FNDC3B: variants seen among roughly 807,000 people sequenced by gnomAD.
FNDC3B encodes the protein fibronectin type III domain-containing protein 3B.
FNDC3B carries 12 observed loss-of-function variants against 151.5 expected under a neutral mutation model. The ratio of observed to expected loss-of-function variants is 0.08; its 90% CI spans 0.05 to 0.13. The LOEUF is 0.13. Among genes scored for constraint, FNDC3B ranks in the 10% least tolerant of loss-of-function variants. The pLI, the probability that FNDC3B is intolerant of heterozygous loss-of-function variation, is 1.00. For missense variants in FNDC3B, 1,214 were observed against 1,505.3 expected (o/e 0.81, Z 3.20); for synonymous variants, 528 against 549.0 (o/e 0.96, Z 0.54).
chr3:172,342,918 T>C, intron 17 of FNDC3B, 93 bp from the exon 18 acceptor site: 1 of 748,034 alleles, frequency 1.3e-6, no homozygotes, highest in Non-Finnish European at 2.4e-6. Context: ...TTCGGTAACA[T>C]TTGCAGTTAT....
chr3:172,126,984 G>A (rs1720836843), intron 2 of FNDC3B: 1 of 456,490 alleles, frequency 2.2e-6, no homozygotes, highest in African/African-American at 2.0e-5. Flanking sequence ...AGCAGACACT[G>A]GAATGTGAAT....
chr3:172,213,746 G>C lies in FNDC3B; in HGVS notation c.188-13125G>C, dbSNP rs554135864. Among the ~76,000 whole-genome samples the C allele has an allele frequency of 7.0e-4, 106 of 152,174 alleles. 1 individual carries two copies. The highest frequency in any genetic ancestry group is 2.4e-3 in the African/African-American group (99 of 41,528). On this transcript the variant is annotated intron_variant, in intron 3 of 25. Transcript: ENST00000415807. ...CTTTCCAGATTAGCAAACCCCAAAG[G>C]CTTAGTAGTTGTTTTGAGGAGCTAA... is the stretch of plus-strand genomic sequence containing the variant.
intron 1 of FNDC3B, among the ~76,000 whole-genome samples, chr3:172,066,209 A>G (rs1321063876): frequency 6.6e-6 from 1 of 152,214 alleles, no homozygotes; most frequent in Non-Finnish European, 1.5e-5. Context: ...AGGGGTAATG[A>G]TGACGTTTGG....
intron 23 of FNDC3B, among the ~76,000 whole-genome samples, chr3:172,370,009 A>T (rs1223162136): frequency 6.6e-6 from 1 of 151,886 alleles, no homozygotes; most frequent in African/African-American, 2.4e-5. Context: ...TGAGCTGTTG[A>T]TTTGTGATAT....
chr3:172,083,633 A>C (rs1300075294), intron 1 of FNDC3B, among the ~76,000 whole-genome samples: 2 of 152,130 alleles, frequency 1.3e-5, no homozygotes, highest in East Asian at 3.8e-4. Flanking sequence ...CAGAGAATAC[A>C]AGACATCAGG....
At chr3:172,318,514 G>A (rs957582898) in intron 11 of FNDC3B, among the ~76,000 whole-genome samples, 2 of 152,206 alleles carry the variant, frequency 1.3e-5, no homozygotes, top group African/African-American at 2.4e-5. Context: ...GAGTGAATTT[G>A]CACAAACCTT....
Position 172,111,004 on chromosome 3 carries a change from C to T in FNDC3B, c.-28-1448C>T, listed in dbSNP as rs188968807. On this transcript the variant is annotated intron_variant, in intron 1 of 25. Coordinates refer to ENST00000415807, the MANE Select transcript of FNDC3B (RefSeq NM_022763.4). ...ATCCCAGCTACTTAGGAGGTTGAGG[C>T]AGGAGAATCGCTTGAACCTGGGAGG... Among the ~76,000 whole-genome samples, 1,160 of 149,700 alleles carry T rather than the reference C, an allele frequency of 7.7e-3. 6 individuals carry two copies. The highest frequency in any genetic ancestry group is 0.01 in the Non-Finnish European group (678 of 67,760).
At chr3:172,069,924 G>A (rs1202145724) in intron 1 of FNDC3B, among the ~76,000 whole-genome samples, 2 of 152,132 alleles carry the variant, frequency 1.3e-5, no homozygotes, top group African/African-American at 4.8e-5. Context: ...GTGACCCTGT[G>A]GTGTGAACAC....
At chr3:172,262,635 G>C (rs1728706331) in intron 6 of FNDC3B, among the ~76,000 whole-genome samples, 1 of 151,496 alleles carries the variant, frequency 6.6e-6, no homozygotes, top group Non-Finnish European at 1.5e-5. Context: ...TTAAGCACAA[G>C]ATGCCAGGCA....
Position 172,397,731 on chromosome 3 carries a change from T to G in FNDC3B, c.*256T>G. The G allele has an allele frequency of 3.9e-6, 1 of 257,146 alleles. No individual in the cohort carries two copies. The highest frequency in any genetic ancestry group is 7.2e-6 in the Non-Finnish European group (1 of 138,000). 15.9% of individuals were successfully genotyped at this position (257,146 alleles called of 1,614,324 possible). A position where few individuals can be genotyped will look rare whatever the true frequency, so the allele number is the denominator to read the frequency against. ...TACCAGATACCAAAAGCTAGCTTTCTTATGTTTTCCTTTAAATTTTCAGAT... is the reference window on the plus strand; with the variant it reads ...TACCAGATACCAAAAGCTAGCTTTCGTATGTTTTCCTTTAAATTTTCAGAT... On this transcript the variant is annotated 3_prime_UTR_variant, in exon 26 of 26. Coordinates refer to ENST00000415807, the MANE Select transcript of FNDC3B (RefSeq NM_022763.4).
intron 23 of FNDC3B, among the ~76,000 whole-genome samples, chr3:172,370,716 C>T (rs377506376): frequency 6.6e-6 from 1 of 152,144 alleles, no homozygotes; most frequent in African/African-American, 2.4e-5. Flanking sequence ...GTACTCTGAC[C>T]GGCAAGCAGA....
intron 1 of FNDC3B, among the ~76,000 whole-genome samples, chr3:172,088,046 A>G (rs1023287730): frequency 6.6e-5 from 10 of 152,184 alleles, no homozygotes; most frequent in African/African-American, 1.9e-4. Context: ...TATGCTTAGA[A>G]CCAGGAAATT....
chr3:172,342,400 C>A (rs938132693), intron 17 of FNDC3B, among the ~76,000 whole-genome samples: 1 of 152,224 alleles, frequency 6.6e-6, no homozygotes, highest in Non-Finnish European at 1.5e-5. Flanking sequence ...CTCTGTGCCA[C>A]TTCTCAGGAA....
intron 3 of FNDC3B, among the ~76,000 whole-genome samples, chr3:172,171,644 A>T: frequency 6.8e-6 from 1 of 146,384 alleles, no homozygotes; most frequent in African/African-American, 2.5e-5. Context: ...ATCTCCCCTG[A>T]CTCTCAGAAT....
intron 3 of FNDC3B, among the ~76,000 whole-genome samples, chr3:172,146,840 A>T (rs1376830597): frequency 6.6e-6 from 1 of 152,254 alleles, no homozygotes; most frequent in Non-Finnish European, 1.5e-5. Context: ...AAGAACCATC[A>T]GACAGAAATA....
intron 1 of FNDC3B, among the ~76,000 whole-genome samples, chr3:172,093,640 C>G (rs1366938124): frequency 1.3e-5 from 2 of 152,106 alleles, no homozygotes; most frequent in Non-Finnish European, 2.9e-5. Flanking sequence ...CTCAGGCTGT[C>G]CTCCCTCTTC....
At chr3:172,075,954 A>AC (rs1434243371) in intron 1 of FNDC3B, among the ~76,000 whole-genome samples, 9 of 152,128 alleles carry the variant, frequency 5.9e-5, no homozygotes, top group Admixed American at 4.6e-4. Context: ...GCAACCCAGA[A>AC]CACATTCGTT....
chr3:172,208,747 G>A (rs1474154536), intron 3 of FNDC3B, among the ~76,000 whole-genome samples: 4 of 49,226 alleles, frequency 8.1e-5, no homozygotes, highest in East Asian at 3.9e-4. Flanking sequence ...CAGCACCACC[G>A]GCCAGGATCC....
At chr3:172,133,686 C>T (rs1303194395) in intron 3 of FNDC3B, 140 bp downstream of exon 3, 6 of 738,674 alleles carry the variant, frequency 8.1e-6, no homozygotes, top group African/African-American at 1.7e-5. Flanking sequence ...TTTTTTCTGT[C>T]GCATGGTCTC....
Sources: gnomAD v4.1 joint callset for allele counts (sites outside exome capture counted in the v4.1 genomes callset) on GRCh38, gnomAD v4.1.1 for gene constraint, MANE v1.5 for transcripts, NCBI Gene and HGNC (gene_info 2026-07-23, HGNC 2026-07-21) for gene names.